BICD2: variants seen among roughly 807,000 people sequenced by gnomAD.
The protein encoded by BICD2 is protein bicaudal D homolog 2.
Under a neutral mutation model 72.9 loss-of-function variants are expected in BICD2, and 25 were observed. That is an observed-to-expected ratio of 0.34 (90% CI 0.25 to 0.48). The LOEUF (loss-of-function observed/expected upper bound fraction) is 0.48, where lower values mean the gene tolerates loss of function less well. BICD2 is among the 20% of genes least tolerant of loss of function. BICD2 has a pLI of 0.99. For missense variants in BICD2, 894 were observed against 1,175.2 expected (o/e 0.76, Z 3.50); for synonymous variants, 501 against 516.1 (o/e 0.97, Z 0.40).
In BICD2 at chr9:92,734,180, C is replaced by T. The variant is rs1467411840; in HGVS notation, c.241-4944G>A. The stretch of plus-strand genomic sequence containing the variant: ...TGCGATTCTGTTTATATATAAACTT[C>T]CATGAATAAGTGAAGTTAATCTATG... On this transcript the variant is annotated intron_variant, in intron 1 of 6. Coordinates refer to ENST00000356884, the MANE Select transcript of BICD2 (RefSeq NM_001003800.2). Among the ~76,000 whole-genome samples the T allele has an allele frequency of 2.0e-5, 3 of 152,204 alleles. No individual in the cohort carries two copies. The East Asian group carries it at 5.8e-4, about 29-fold the overall frequency.
intron 1 of BICD2, among the ~76,000 whole-genome samples, chr9:92,739,454 T>G (rs1308956872): frequency 6.6e-6 from 1 of 152,262 alleles, no homozygotes; most frequent in East Asian, 1.9e-4. Context: ...TATCCCAGGC[T>G]CTCTATTCCC....
intron 6 of BICD2, among the ~76,000 whole-genome samples, chr9:92,717,312 T>C (rs1221368511): frequency 2.0e-5 from 3 of 152,210 alleles, no homozygotes; most frequent in South Asian, 4.1e-4. Flanking sequence ...AGTCTCCATA[T>C]ATGCAAAGCA....
At chr9:92,718,486 A>G in intron 5 of BICD2, 53 bp downstream of exon 5, 1 of 1,547,164 alleles carries the variant, frequency 6.5e-7, no homozygotes, top group Non-Finnish European at 8.7e-7. Flanking sequence ...CAAGGGGGAA[A>G]CACCCTTAGG....
intron 1 of BICD2, among the ~76,000 whole-genome samples, chr9:92,743,170 A>C (rs988051376): frequency 6.6e-6 from 1 of 152,016 alleles, no homozygotes; most frequent in African/African-American, 2.4e-5. Flanking sequence ...CAGCCATCCC[A>C]GTGGATATGA....
intron 1 of BICD2, among the ~76,000 whole-genome samples, chr9:92,738,239 T>C (rs998102680): frequency 1.3e-5 from 2 of 152,232 alleles, no homozygotes; most frequent in Non-Finnish European, 2.9e-5. Context: ...TTAGGCAGCA[T>C]GGGCACCAGG....
intron 1 of BICD2, among the ~76,000 whole-genome samples, chr9:92,752,751 T>C (rs10761169): frequency 0.69 from 104,232 of 152,098 alleles, 37,655 homozygotes; most frequent in African/African-American, 0.92. Flanking sequence ...AGTGAGACCC[T>C]GTCCCAAATA....
Position 92,729,200 on chromosome 9 carries a change from C to T in BICD2, c.277G>A (p.Ala93Thr). ...GQAHTNHKKVAADGESREESL... is the reference protein window; with the variant it reads ...GQAHTNHKKVTADGESREESL... ...TCCTCCCGGCTCTCTCCGTCAGCAG[C>T]CACCTTCTTGTGGTTTGTGTGTGCT... The change falls in exon 2 of 7, where the codon GCT (alanine) becomes ACT (threonine). Residue 93 changes from alanine (A) to threonine (T), a missense_variant. Ala to Thr is a moderately conservative substitution (Grantham distance 58, BLOSUM62 0). This residue lies in a region of BICD2 where 192 missense variants were observed against 243.6 expected (regional missense o/e 0.79). Coordinates refer to ENST00000356884, the MANE Select transcript of BICD2 (RefSeq NM_001003800.2). 1 of 1,614,208 alleles carries T rather than the reference C, an allele frequency of 6.2e-7. No individual in the cohort carries two copies.
intron 2 of BICD2, among the ~76,000 whole-genome samples, chr9:92,728,478 C>T (rs777826987): frequency 6.6e-6 from 1 of 152,216 alleles, no homozygotes; most frequent in African/African-American, 2.4e-5. Flanking sequence ...ACCCTCCCTG[C>T]GGGCACTCTG....
intron 1 of BICD2, among the ~76,000 whole-genome samples, chr9:92,739,479 G>C (rs1325854958): frequency 6.6e-6 from 1 of 152,224 alleles, no homozygotes; most frequent in African/African-American, 2.4e-5. Context: ...ACCACAGTGA[G>C]GAGCCCGTGA....
At chr9:92,756,794 G>T (rs1427709594) in intron 1 of BICD2, among the ~76,000 whole-genome samples, 1 of 151,686 alleles carries the variant, frequency 6.6e-6, no homozygotes, top group Non-Finnish European at 1.5e-5. Flanking sequence ...TTGAACCCGG[G>T]AGGCAGAGGT....
chr9:92,714,560 G>A lies in BICD2; in HGVS notation c.*594C>T. On this transcript the variant is annotated 3_prime_UTR_variant, in exon 7 of 7. Coordinates refer to ENST00000356884, the MANE Select transcript of BICD2 (RefSeq NM_001003800.2). ...GGCCAGCAGAATACAGGGGCTCAGG[G>A]CTGCTCTTCTCTGGGCTTGGGGAAG... The A allele has an allele frequency of 1.0e-6, 1 of 985,594 alleles. No individual in the cohort carries two copies. The highest frequency in any genetic ancestry group is 1.2e-6 in the Non-Finnish European group (1 of 830,048). 61.1% of individuals were successfully genotyped at this position (985,594 alleles called of 1,614,324 possible).
chr9:92,752,071 C>T (rs1415726657), intron 1 of BICD2, among the ~76,000 whole-genome samples: 1 of 152,196 alleles, frequency 6.6e-6, no homozygotes, highest in African/African-American at 2.4e-5. Flanking sequence ...TCCCAAAGTG[C>T]TGGGATTACA....
At position 92,718,797 on chromosome 9, in the gene BICD2, G is replaced by T; in HGVS notation, c.1848C>A (p.Pro616=). 1 of 1,613,728 alleles carries T rather than the reference G, an allele frequency of 6.2e-7. No individual in the cohort carries two copies. ...TGGGCTCCCGGCGTGGGTCACTCAGGGGTGATGGCAGTGAGGAGCCAGGCG... is the reference window on the plus strand; with the variant it reads ...TGGGCTCCCGGCGTGGGTCACTCAGTGGTGATGGCAGTGAGGAGCCAGGCG... ...SPSPGSSLPS[P]LSDPRREPMN... is the part of the protein sequence containing the mutation. Residue 616 remains proline, a synonymous_variant, in exon 5 of 7, where the codon CCC becomes CCA. Coordinates refer to ENST00000356884, the MANE Select transcript of BICD2 (RefSeq NM_001003800.2).
At chr9:92,729,258 T>G in intron 1 of BICD2, 22 bp from the exon 2 acceptor site, 1 of 1,612,356 alleles carries the variant, frequency 6.2e-7, no homozygotes, top group South Asian at 1.1e-5. Flanking sequence ...GACAAGACAC[T>G]CGTGAGGTGG....
chr9:92,718,012 G>A (rs999687616), intron 5 of BICD2, 64 bp from the exon 6 acceptor site: 10 of 1,550,502 alleles, frequency 6.4e-6, no homozygotes, highest in Admixed American at 5.8e-5. Context: ...GGTGCTCTGG[G>A]AGCAGGATCG....
rs1186281211 is a variant in BICD2 at position 92,715,346 on chromosome 9, C to G, written c.2376G>C (p.Leu792=). ...GCTCGAGCAGCTCCAGCCGCTGGGTCAGCGCCAGCTTCTGCTGGATGGCCA... is the reference window on the plus strand; with the variant it reads ...GCTCGAGCAGCTCCAGCCGCTGGGTGAGCGCCAGCTTCTGCTGGATGGCCA... ...LRMAIQQKLA[L]TQRLELLELD... The change falls in exon 7 of 7, where the codon CTG becomes CTC. Residue 792 remains leucine (L), a synonymous_variant. Coordinates refer to ENST00000356884, the MANE Select transcript of BICD2 (RefSeq NM_001003800.2). 1 of 1,613,090 alleles carries G rather than the reference C, an allele frequency of 6.2e-7. No individual in the cohort carries two copies. Among genetic ancestry groups the G allele is most frequent in the South Asian group, 1.1e-5 (1 of 91,072 alleles).
Position 92,715,117 on chromosome 9 carries a change from G to A in BICD2, c.*37C>T, listed in dbSNP as rs1231731343. ...CTGCTGCTGGGTTAGTTGAGGTGAAGCAGATGTTAGCTGCAGCGTGCGGCG... is the reference window on the plus strand; with the variant it reads ...CTGCTGCTGGGTTAGTTGAGGTGAAACAGATGTTAGCTGCAGCGTGCGGCG... On this transcript the variant is annotated 3_prime_UTR_variant, in exon 7 of 7. Transcript: ENST00000356884. The A allele has an allele frequency of 6.5e-7, 1 of 1,535,220 alleles. No individual in the cohort carries two copies. Among genetic ancestry groups the A allele is most frequent in the Non-Finnish European group, 8.8e-7 (1 of 1,137,660 alleles).
chr9:92,754,102 G>A lies in BICD2; in HGVS notation c.240+10403C>T, dbSNP rs1031868871. Among the ~76,000 whole-genome samples, 23 of 150,772 alleles carry A rather than the reference G, an allele frequency of 1.5e-4. No homozygotes were observed. In the East Asian group the frequency reaches 3.8e-3, roughly 25 times the overall value. On this transcript the variant is annotated intron_variant, in intron 1 of 6. Transcript: ENST00000356884. ...GGAGCTTGCAGTAAGCCAAGATCGC[G>A]CCACTGCACTCCAGCCTGGGCGAGA...
intron 1 of BICD2, among the ~76,000 whole-genome samples, chr9:92,731,624 A>G (rs1853680472): frequency 6.6e-6 from 1 of 152,160 alleles, no homozygotes; most frequent in Non-Finnish European, 1.5e-5. Flanking sequence ...CTTCCCAGCC[A>G]TGGAAAAATG....
Sources: allele counts gnomAD v4.1 joint callset (sites outside exome capture counted in the v4.1 genomes callset), GRCh38; gene constraint gnomAD v4.1.1; regional missense constraint gnomAD v4.1.1; transcripts MANE v1.5; gene names NCBI Gene and HGNC (gene_info 2026-07-23, HGNC 2026-07-21).